Variants in ADAMTS18 observed in about 807,000 individuals in gnomAD.
The protein encoded by ADAMTS18 is ADAM metallopeptidase with thrombospondin type 1 motif 18.
A neutral mutation model predicts 165.9 loss-of-function variants in ADAMTS18; 157 were observed. That is an observed-to-expected ratio of 0.95 (90% confidence interval 0.83 to 1.08). The LOEUF is 1.08. Among genes scored for constraint, ADAMTS18 ranks in the 50% least tolerant of loss-of-function variants. The pLI is 0.00. For synonymous variants in ADAMTS18, 782 were observed against 578.2 expected (o/e 1.35, Z -5.06); for missense variants, 2,040 against 1,534.0 (o/e 1.33, Z -5.51).
intron 22 of ADAMTS18, among the ~76,000 whole-genome samples, chr16:77,285,151 T>C (rs1045165943): frequency 1.3e-5 from 2 of 151,150 alleles, no homozygotes; most frequent in Non-Finnish European, 2.9e-5. Context: ...TAAGTGCATG[T>C]TGTAGGAGCA....
chr16:77,325,823 A>G, intron 13 of ADAMTS18, 43 bp downstream of exon 13: 1 of 1,563,988 alleles, frequency 6.4e-7, no homozygotes, highest in Non-Finnish European at 8.8e-7. Flanking sequence ...TCACATTATT[A>G]TCCACATAGA....
intron 17 of ADAMTS18, among the ~76,000 whole-genome samples, chr16:77,298,583 G>A (rs1441197961): frequency 6.6e-6 from 1 of 152,034 alleles, no homozygotes; most frequent in Non-Finnish European, 1.5e-5. Flanking sequence ...CTTGAGGCCA[G>A]GAGTTTGACA....
chr16:77,397,634 A>C (rs1237438749), intron 3 of ADAMTS18, among the ~76,000 whole-genome samples: 1 of 152,230 alleles, frequency 6.6e-6, no homozygotes, highest in African/African-American at 2.4e-5. Flanking sequence ...GGATTTATAC[A>C]AAAAAAGAGA....
rs1373090344 is a variant in ADAMTS18 at position 77,322,329 on chromosome 16, C to G, written c.2163+7G>C. 2.5e-6 allele frequency: 4 copies of G among 1,613,928 alleles called. No homozygotes were observed. In the South Asian group the frequency reaches 4.4e-5, roughly 18 times the overall value. ...TCATACACTCCAAAGCAGAAACGTT[C>G]TCTTACTTCACAAACCCCGTCAATA... On this transcript the variant is annotated splice_region_variant and intron_variant, in intron 14 of 22. Transcript: ENST00000282849.
chr16:77,338,796 T>A (rs917665764), intron 11 of ADAMTS18, among the ~76,000 whole-genome samples: 46 of 150,382 alleles, frequency 3.1e-4, no homozygotes, highest in Non-Finnish European at 3.6e-4. Flanking sequence ...TAATAAAAAA[T>A]AGAAAAAATT....
chr16:77,338,484 G>C (rs2056346377), intron 11 of ADAMTS18, among the ~76,000 whole-genome samples: 1 of 151,472 alleles, frequency 6.6e-6, no homozygotes, highest in Admixed American at 6.6e-5. Context: ...TGATATGCCC[G>C]CCGAGGCCCC....
intron 3 of ADAMTS18, among the ~76,000 whole-genome samples, chr16:77,392,699 G>C (rs1393141359): frequency 1.3e-5 from 2 of 152,150 alleles, no homozygotes; most frequent in African/African-American, 2.4e-5. Flanking sequence ...GCATAGGGTA[G>C]ACGTCGTAAA....
intron 3 of ADAMTS18, among the ~76,000 whole-genome samples, chr16:77,425,789 T>A (rs922714877): frequency 1.3e-5 from 2 of 152,042 alleles, no homozygotes; most frequent in African/African-American, 4.8e-5. Flanking sequence ...ACACCTGTAA[T>A]TCTGGCACTT....
At chr16:77,360,681 C>T (rs981062589) in intron 7 of ADAMTS18, among the ~76,000 whole-genome samples, 3 of 152,186 alleles carry the variant, frequency 2.0e-5, no homozygotes, top group African/African-American at 7.2e-5. Context: ...TTCTATGGAA[C>T]AATTCCCAAA....
At chr16:77,391,252 C>T (rs967223336) in intron 3 of ADAMTS18, among the ~76,000 whole-genome samples, 5 of 152,148 alleles carry the variant, frequency 3.3e-5, no homozygotes, top group African/African-American at 9.7e-5. Flanking sequence ...CCTGTAACCC[C>T]AGCACTTTGG....
At chr16:77,294,081 A>G (rs903825348) in intron 19 of ADAMTS18, among the ~76,000 whole-genome samples, 5 of 152,158 alleles carry the variant, frequency 3.3e-5, no homozygotes, top group African/African-American at 1.2e-4. Flanking sequence ...AACACAGAAG[A>G]ACTGTCATCA....
At chr16:77,304,297 A>T (rs2055642619) in intron 16 of ADAMTS18, among the ~76,000 whole-genome samples, 1 of 152,128 alleles carries the variant, frequency 6.6e-6, no homozygotes, top group Non-Finnish European at 1.5e-5. Context: ...CATTTCTAAA[A>T]TAAAATTTTA....
intron 3 of ADAMTS18, among the ~76,000 whole-genome samples, chr16:77,402,110 C>T (rs373608725): frequency 1.9e-4 from 29 of 152,298 alleles, no homozygotes; most frequent in African/African-American, 6.3e-4. Context: ...TACCTACCTA[C>T]CTAATTGTAT....
intron 10 of ADAMTS18, among the ~76,000 whole-genome samples, chr16:77,349,166 G>A (rs976287588): frequency 6.6e-6 from 1 of 152,108 alleles, no homozygotes; most frequent in Non-Finnish European, 1.5e-5. Context: ...TTAAAGAAGT[G>A]TGAAAGGAAG....
chr16:77,357,788 A>G (rs2056653057), intron 8 of ADAMTS18, among the ~76,000 whole-genome samples: 1 of 152,226 alleles, frequency 6.6e-6, no homozygotes, highest in South Asian at 2.1e-4. Flanking sequence ...TGTCTGTTTC[A>G]GAACTTCTTA....
chr16:77,377,763 T>G (rs577623226), intron 3 of ADAMTS18, among the ~76,000 whole-genome samples: 1 of 152,208 alleles, frequency 6.6e-6, no homozygotes, highest in Non-Finnish European at 1.5e-5. Context: ...GTCACATTCT[T>G]TAAAAATTTT....
rs1567474883 is a variant in ADAMTS18, at chr16:77,314,787, A to ATATATATATATATATATATATAT, written c.2532+5061_2532+5062insATATATATATATATATATATATA. 1.4e-3 allele frequency among the ~76,000 whole-genome samples: 67 copies of ATATATATATATATATATATATAT among 49,330 alleles called. 6 individuals carry two copies. The highest frequency in any genetic ancestry group is 3.2e-3 in the African/African-American group (41 of 12,840). The allele number at this position is 49,330 out of a possible 152,430, so 32.4% of individuals were successfully genotyped here. A position where few individuals can be genotyped will look rare whatever the true frequency, so the allele number is the denominator to read the frequency against. ...ATATATATATATATATATATATATAAAATATATGTGATATGCTCAGAAGGC... is the reference window on the plus strand; with the variant it reads ...ATATATATATATATATATATATATAATATATATATATATATATATATATAATATATGTGATATGCTCAGAAGGC... On this transcript the variant is annotated intron_variant, in intron 16 of 22. Transcript: ENST00000282849.
chr16:77,391,585 C>T (rs2057188320), intron 3 of ADAMTS18, among the ~76,000 whole-genome samples: 1 of 151,966 alleles, frequency 6.6e-6, no homozygotes, highest in East Asian at 1.9e-4. Flanking sequence ...AACAGAGTAC[C>T]AATGGCCAGG....
At chr16:77,295,997 GAA>G (rs950395149) in intron 18 of ADAMTS18, among the ~76,000 whole-genome samples, 1 of 123,428 alleles carries the variant, frequency 8.1e-6, no homozygotes, top group African/African-American at 2.8e-5. Context: ...TTATTTACAA[GAA>G]AAAAAAAAGT....
Sources: gnomAD v4.1 joint callset for allele counts (sites outside exome capture counted in the v4.1 genomes callset) on GRCh38, gnomAD v4.1.1 for gene constraint, MANE v1.5 for transcripts, NCBI Gene and HGNC (gene_info 2026-07-23, HGNC 2026-07-21) for gene names.